The following ADAMTS3 variants were observed in gnomAD, a reference collection of about 807,000 sequenced individuals.
The protein encoded by ADAMTS3 is ADAM metallopeptidase with thrombospondin type 1 motif 3.
In ADAMTS3, 73 loss-of-function variants were observed where a neutral mutation model predicts 129.0. That is an observed-to-expected ratio of 0.57 (90% CI 0.47 to 0.69). ADAMTS3 has a LOEUF of 0.69. ADAMTS3 is among the 30% of genes least tolerant of loss of function. The probability of loss-of-function intolerance (pLI) is 0.00; values close to 1 mark genes in which losing one functional copy is unlikely to be tolerated. For synonymous variants in ADAMTS3, 477 were observed against 510.8 expected (o/e 0.93, Z 0.89); for missense variants, 1,457 against 1,514.5 (o/e 0.96, Z 0.63).
chr4:72,471,550 T>C (rs1719073909), intron 3 of ADAMTS3, among the ~76,000 whole-genome samples: 1 of 152,052 alleles, frequency 6.6e-6, no homozygotes, highest in South Asian at 2.1e-4. Flanking sequence ...TCCAACTGCA[T>C]ATGTTTATAA....
Position 72,544,903 on chromosome 4 carries a change from T to A in ADAMTS3, c.504+3575A>T, listed in dbSNP as rs559417687. 5.9e-5 allele frequency among the ~76,000 whole-genome samples: 9 copies of A among 152,230 alleles called. No homozygotes were observed. The East Asian group carries it at 9.6e-4, about 16-fold the overall frequency. ...TCCCTAATTTTTAACCATCTTTAAA[T>A]TTAATTTTTAAAAATTATTATATCA... On this transcript the variant is annotated intron_variant, in intron 3 of 21. Coordinates refer to ENST00000286657, the MANE Select transcript of ADAMTS3 (RefSeq NM_014243.3).
chr4:72,561,717 A>G (rs1226691283), intron 2 of ADAMTS3, among the ~76,000 whole-genome samples: 12 of 152,176 alleles, frequency 7.9e-5, no homozygotes, highest in Non-Finnish European at 1.2e-4. Flanking sequence ...CATATATTTA[A>G]TCCTGTTTTA....
intron 3 of ADAMTS3, among the ~76,000 whole-genome samples, chr4:72,532,068 G>A (rs1484593490): frequency 6.9e-6 from 1 of 145,940 alleles, no homozygotes; most frequent in Non-Finnish European, 1.5e-5. Context: ...AAAAAAAAAA[G>A]TTGAAATTTC....
intron 3 of ADAMTS3, among the ~76,000 whole-genome samples, chr4:72,522,046 A>C (rs1720688608): frequency 6.6e-6 from 1 of 152,316 alleles, no homozygotes; most frequent in South Asian, 2.1e-4. Flanking sequence ...AAAACATGAC[A>C]GACTTCTATA....
intron 15 of ADAMTS3, 145 bp downstream of exon 15, chr4:72,309,252 C>A: frequency 1.4e-6 from 1 of 727,388 alleles, no homozygotes. Context: ...TTTTAAGTTC[C>A]TTAAAAGGTA....
intron 2 of ADAMTS3, among the ~76,000 whole-genome samples, chr4:72,566,042 C>A (rs546178784): frequency 6.6e-6 from 1 of 152,000 alleles, no homozygotes; most frequent in Non-Finnish European, 1.5e-5. Flanking sequence ...AAAAAAAATT[C>A]TTTAAAAAGA....
At chr4:72,367,621 C>G (rs1720900748) in intron 4 of ADAMTS3, among the ~76,000 whole-genome samples, 1 of 152,088 alleles carries the variant, frequency 6.6e-6, no homozygotes, top group South Asian at 2.1e-4. Flanking sequence ...GAGGCCGAGG[C>G]AGGCGGATCC....
At chr4:72,539,887 C>T (rs1440471950) in intron 3 of ADAMTS3, among the ~76,000 whole-genome samples, 5 of 152,160 alleles carry the variant, frequency 3.3e-5, no homozygotes, top group Non-Finnish European at 7.4e-5. Context: ...AACTGTGAGT[C>T]CAATTAAACC....
intron 4 of ADAMTS3, among the ~76,000 whole-genome samples, chr4:72,352,823 T>C (rs1720478148): frequency 6.6e-6 from 1 of 151,934 alleles, no homozygotes; most frequent in Non-Finnish European, 1.5e-5. Flanking sequence ...GACTGAAAAG[T>C]ATTGAAATGT....
At chr4:72,379,078 C>T (rs1035116047) in intron 4 of ADAMTS3, among the ~76,000 whole-genome samples, 6 of 152,276 alleles carry the variant, frequency 3.9e-5, no homozygotes, top group Admixed American at 3.9e-4. Flanking sequence ...TGTCTGTCTA[C>T]CACTTCACTG....
intron 4 of ADAMTS3, among the ~76,000 whole-genome samples, chr4:72,401,566 CAA>C (rs374322807): frequency 6.3e-3 from 232 of 37,034 alleles, no homozygotes; most frequent in African/African-American, 0.024. Context: ...TACTCTGTCT[CAA>C]AAAAAAAAAA....
intron 3 of ADAMTS3, among the ~76,000 whole-genome samples, chr4:72,476,527 T>C (rs927566832): frequency 1.3e-5 from 2 of 152,106 alleles, no homozygotes; most frequent in African/African-American, 4.8e-5. Flanking sequence ...AATGGAGAAT[T>C]CTACCAAATG....
At chr4:72,378,187 G>A (rs1163284380) in intron 4 of ADAMTS3, among the ~76,000 whole-genome samples, 1 of 152,070 alleles carries the variant, frequency 6.6e-6, no homozygotes, top group African/African-American at 2.4e-5. Context: ...ATAAATGGTG[G>A]TGCTCCTTGC....
chr4:72,524,885 T>G (rs1331007770), intron 3 of ADAMTS3, among the ~76,000 whole-genome samples: 1 of 152,024 alleles, frequency 6.6e-6, no homozygotes, highest in Non-Finnish European at 1.5e-5. Context: ...ATAGGAAGCG[T>G]CCCTAAGACC....
intron 3 of ADAMTS3, among the ~76,000 whole-genome samples, chr4:72,534,722 T>C (rs1044771507): frequency 3.3e-5 from 5 of 152,204 alleles, no homozygotes; most frequent in African/African-American, 1.2e-4. Flanking sequence ...TTTTTAAGTA[T>C]GGAAAAAAGT....
intron 2 of ADAMTS3, among the ~76,000 whole-genome samples, chr4:72,556,505 C>T (rs553703442): frequency 1.3e-5 from 2 of 151,788 alleles, no homozygotes; most frequent in African/African-American, 4.9e-5. Flanking sequence ...ATATGTCACA[C>T]AAATTTTTAA....
chr4:72,465,054 A>G (rs1718882671), intron 3 of ADAMTS3, among the ~76,000 whole-genome samples: 1 of 152,022 alleles, frequency 6.6e-6, no homozygotes, highest in Non-Finnish European at 1.5e-5. Flanking sequence ...AATCCAGTTC[A>G]GGAGAGAGAA....
intron 3 of ADAMTS3, among the ~76,000 whole-genome samples, chr4:72,537,792 T>C (rs918955824): frequency 2.0e-5 from 3 of 152,136 alleles, no homozygotes; most frequent in African/African-American, 7.2e-5. Context: ...ATAGATACGG[T>C]TCCTAAACAA....
chr4:72,455,154 C>A (rs1185233795), intron 3 of ADAMTS3, among the ~76,000 whole-genome samples: 3 of 151,556 alleles, frequency 2.0e-5, no homozygotes, highest in Non-Finnish European at 4.4e-5. Context: ...TTTTTATTCT[C>A]TCTACAAAAA....
Sources: allele counts gnomAD v4.1 joint callset (sites outside exome capture counted in the v4.1 genomes callset), GRCh38; gene constraint gnomAD v4.1.1; transcripts MANE v1.5; gene names NCBI Gene and HGNC (gene_info 2026-07-23, HGNC 2026-07-21).